The following PCDHA3 variants were observed in gnomAD, a reference collection of about 807,000 sequenced individuals.
The protein encoded by PCDHA3 is protocadherin alpha 3.
In PCDHA3, 41 loss-of-function variants were observed where a neutral mutation model predicts 62.2. The ratio of observed to expected loss-of-function variants is 0.66; its 90% CI spans 0.51 to 0.86. The LOEUF (loss-of-function observed/expected upper bound fraction) is 0.86, where lower values mean the gene tolerates loss of function less well. PCDHA3 is among the 40% of genes least tolerant of loss of function. The pLI, the probability that PCDHA3 is intolerant of heterozygous loss-of-function variation, is 0.00. For synonymous variants in PCDHA3, 640 were observed against 555.4 expected (o/e 1.15, Z -2.14); for missense variants, 1,304 against 1,241.2 (o/e 1.05, Z -0.76).
intron 1 of PCDHA3, chr5:140,884,511 G>A (rs1202323930): frequency 6.2e-7 from 1 of 1,614,192 alleles, no homozygotes; most frequent in Non-Finnish European, 8.5e-7. Flanking sequence ...GCAGGGAGTT[G>A]GTCGTACTCG....
rs1582078645 is a variant in PCDHA3, at chr5:140,872,401, A to G, written c.2394+68810A>G. Among the ~76,000 whole-genome samples the G allele has an allele frequency of 2.0e-5, 3 of 152,246 alleles. No homozygotes were observed. In the East Asian group the frequency reaches 5.8e-4, roughly 29 times the overall value. ...CAGCTATTTGGGAGGCTGAGGCAGG[A>G]GAATTGCTTGAGCCCAAGAGTTCGA... On this transcript the variant is annotated intron_variant, in intron 1 of 3. Transcript: ENST00000522353.
chr5:140,950,015 T>C (rs2094440217), intron 1 of PCDHA3, among the ~76,000 whole-genome samples: 1 of 151,906 alleles, frequency 6.6e-6, no homozygotes, highest in Admixed American at 6.6e-5. Context: ...TGTACAACCT[T>C]CATAAAATAT....
intron 1 of PCDHA3, chr5:140,823,513 G>A (rs1767741657): frequency 6.2e-7 from 1 of 1,613,474 alleles, no homozygotes; most frequent in African/African-American, 1.3e-5. Context: ...GAGCGAGCTG[G>A]TGCCGAGGTC....
chr5:140,955,846 T>G (rs1256650141), intron 1 of PCDHA3, among the ~76,000 whole-genome samples: 1 of 152,218 alleles, frequency 6.6e-6, no homozygotes, highest in African/African-American at 2.4e-5. Context: ...GTCATTCTCC[T>G]TGAAGAGGTC....
At chr5:140,824,019 G>A in intron 1 of PCDHA3, 3 of 1,614,082 alleles carry the variant, frequency 1.9e-6, no homozygotes, top group Admixed American at 1.7e-5. Flanking sequence ...GGAGCTGGTC[G>A]TACTCGCAGC....
chr5:140,994,233 T>A (rs2097606681), intron 3 of PCDHA3, among the ~76,000 whole-genome samples: 1 of 152,138 alleles, frequency 6.6e-6, no homozygotes, highest in Admixed American at 6.5e-5. Context: ...TATGTTATAA[T>A]CAATTCAAAC....
At chr5:140,884,917 C>G (rs1343503909) in intron 1 of PCDHA3, among the ~76,000 whole-genome samples, 1 of 152,168 alleles carries the variant, frequency 6.6e-6, no homozygotes, top group Non-Finnish European at 1.5e-5. Flanking sequence ...CTTAATAGTT[C>G]TAAGTATTTA....
At chr5:140,938,727 G>GA (rs2092176789) in intron 1 of PCDHA3, among the ~76,000 whole-genome samples, 1 of 151,904 alleles carries the variant, frequency 6.6e-6, no homozygotes, top group South Asian at 2.1e-4. Flanking sequence ...CGTTTCTACA[G>GA]AAAAAAATAA....
chr5:140,816,512 T>G (rs2126672655), intron 1 of PCDHA3: 8 of 142,424 alleles, frequency 5.6e-5, no homozygotes, highest in Non-Finnish European at 1.2e-4. Context: ...TGTGTTTGTG[T>G]GTGTGTGTGT....
chr5:140,904,828 A>G (rs1196362639), intron 1 of PCDHA3, among the ~76,000 whole-genome samples: 7 of 151,794 alleles, frequency 4.6e-5, no homozygotes, highest in African/African-American at 1.7e-4. Flanking sequence ...GCATTTTTTT[A>G]TATGTTTCAT....
chr5:140,871,519 A>G, intron 1 of PCDHA3: 1 of 1,554,010 alleles, frequency 6.4e-7, no homozygotes, highest in East Asian at 2.3e-5. Flanking sequence ...GATTCCACCT[A>G]TCAGGAAGTG....
At chr5:140,830,450 G>C (rs2150186754) in intron 1 of PCDHA3, 3 of 1,598,530 alleles carry the variant, frequency 1.9e-6, no homozygotes, top group East Asian at 4.5e-5. Flanking sequence ...GGGTAAGGCG[G>C]AGAATCAGGA....
At chr5:140,871,519 A>C in intron 1 of PCDHA3, 1 of 1,554,010 alleles carries the variant, frequency 6.4e-7, no homozygotes, top group Non-Finnish European at 8.7e-7. Context: ...GATTCCACCT[A>C]TCAGGAAGTG....
intron 1 of PCDHA3, among the ~76,000 whole-genome samples, chr5:140,941,319 C>CTT (rs70988781): frequency 9.6e-6 from 1 of 104,394 alleles, no homozygotes; most frequent in African/African-American, 3.7e-5. Flanking sequence ...TCTTCTTTCT[C>CTT]TTTTTTTTTT....
intron 1 of PCDHA3, chr5:140,968,919 T>C (rs2096279642): frequency 1.2e-6 from 2 of 1,614,116 alleles, no homozygotes; most frequent in South Asian, 1.1e-5. Flanking sequence ...GTGTCTTTTA[T>C]ATTTCTTTTG....
At chr5:140,962,438 G>A (rs1375451859) in intron 1 of PCDHA3, among the ~76,000 whole-genome samples, 3 of 152,108 alleles carry the variant, frequency 2.0e-5, no homozygotes, top group Non-Finnish European at 2.9e-5. Context: ...CTTATCCAAA[G>A]ATGGCTTGAA....
chr5:140,978,703 G>C (rs556167285), intron 1 of PCDHA3, among the ~76,000 whole-genome samples: 1 of 152,328 alleles, frequency 6.6e-6, no homozygotes, highest in East Asian at 1.9e-4. Context: ...AGCCAAAGGT[G>C]GCCTTTACAA....
intron 1 of PCDHA3, among the ~76,000 whole-genome samples, chr5:140,840,629 G>C (rs190376919): frequency 6.6e-6 from 1 of 152,022 alleles, no homozygotes; most frequent in South Asian, 2.1e-4. Flanking sequence ...ACAAGCTATA[G>C]AGATATAGAG....
chr5:140,810,442 A>T (rs372953420), intron 1 of PCDHA3: 3 of 152,218 alleles, frequency 2.0e-5, no homozygotes, highest in Non-Finnish European at 4.4e-5. Context: ...ACCTGTTTAC[A>T]TTCCTAGTAG....
Sources: allele counts gnomAD v4.1 joint callset (sites outside exome capture counted in the v4.1 genomes callset), GRCh38; gene constraint gnomAD v4.1.1; transcripts MANE v1.5; gene names NCBI Gene and HGNC (gene_info 2026-07-23, HGNC 2026-07-21).